Variants in PRKAG2 observed in about 807,000 individuals in gnomAD.
The protein encoded by PRKAG2 is protein kinase AMP-activated non-catalytic subunit gamma 2, also known as 5'-AMP-activated protein kinase subunit gamma-2.
PRKAG2 carries 26 observed loss-of-function variants against 69.6 expected under a neutral mutation model. The ratio of observed to expected loss-of-function variants is 0.37; its 90% confidence interval spans 0.27 to 0.52. PRKAG2 has a LOEUF of 0.52. Among genes scored for constraint, PRKAG2 ranks in the 20% least tolerant of loss-of-function variants. The pLI, the probability that PRKAG2 is intolerant of heterozygous loss-of-function variation, is 0.90. For missense variants in PRKAG2, 557 were observed against 740.0 expected, an observed-to-expected ratio of 0.75 and a Z score of 2.87; for synonymous variants, 293 against 285.0, an observed-to-expected ratio of 1.03 and a Z score of -0.28.
In PRKAG2 at chr7:151,560,285, G is replaced by A. The variant is rs375418709; in HGVS notation, c.1678+239C>T. 4.5e-5 allele frequency: 63 copies of A among 1,407,624 alleles called. No individual in the cohort carries two copies. The East Asian group carries it at 4.6e-4, about 10-fold the overall frequency. 87.2% of individuals were successfully genotyped at this position (1,407,624 alleles called of 1,614,324 possible). A position where few individuals can be genotyped will look rare whatever the true frequency, so the allele number is the denominator to read the frequency against. On this transcript the variant is annotated intron_variant, in intron 15 of 15. Transcript: ENST00000287878. ...GGCAATGGCTCCCAAGTCATTTAGG[G>A]GGCCACTGGACCTTGATAGGATGCT...
intron 3 of PRKAG2, among the ~76,000 whole-genome samples, chr7:151,776,867 C>T (rs1327394304): frequency 2.6e-5 from 4 of 152,182 alleles, no homozygotes; most frequent in South Asian, 2.1e-4. Flanking sequence ...GGCCCCTACC[C>T]AGCAATGAGG....
chr7:151,753,971 A>G (rs1586295299), intron 3 of PRKAG2, among the ~76,000 whole-genome samples: 1 of 152,150 alleles, frequency 6.6e-6, no homozygotes, highest in African/African-American at 2.4e-5. Flanking sequence ...GTGAACTGTG[A>G]TCGCACCACT....
At chr7:151,706,188 C>G (rs1392096179) in intron 3 of PRKAG2, among the ~76,000 whole-genome samples, 4 of 152,216 alleles carry the variant, frequency 2.6e-5, no homozygotes, top group Non-Finnish European at 5.9e-5. Flanking sequence ...TGGTGTCAGT[C>G]AGAGCTCCAG....
At chr7:151,859,275 G>A (rs2079858901) in intron 1 of PRKAG2, among the ~76,000 whole-genome samples, 1 of 152,246 alleles carries the variant, frequency 6.6e-6, no homozygotes, top group Non-Finnish European at 1.5e-5. Flanking sequence ...GCGGGGCGAG[G>A]TGAGGCCCGC....
Position 151,675,474 on chromosome 7 carries a change from C to T in PRKAG2, c.630G>A (p.Gln210=). 6.2e-7 allele frequency: 1 copy of T among 1,614,154 alleles called. No homozygotes were observed. The highest frequency in any genetic ancestry group is 8.5e-7 in the Non-Finnish European group (1 of 1,180,022). Residue 210 remains glutamine (Q), a synonymous_variant, in exon 4 of 16, where the codon CAG becomes CAA. Coordinates refer to ENST00000287878, the MANE Select transcript of PRKAG2 (RefSeq NM_016203.4). The part of the protein sequence containing the change: ...TGQRFCPSSF[Q]SPTRPPLASP... ...ATGCCAGTGGAGGCCTGGTCGGGCT[C>T]TGGAAGGAAGACGGGCAGAACCTCT...
intron 3 of PRKAG2, among the ~76,000 whole-genome samples, chr7:151,709,350 T>C (rs1015308951): frequency 6.6e-6 from 1 of 151,804 alleles, no homozygotes; most frequent in Non-Finnish European, 1.5e-5. Flanking sequence ...GACAATGATA[T>C]GCAATGTGTG....
At position 151,719,538 on chromosome 7, in the gene PRKAG2, C is replaced by T. The variant is rs987330411; in HGVS notation, c.467-43901G>A. On this transcript the variant is annotated intron_variant, in intron 3 of 15. Transcript: ENST00000287878. The surrounding 1 kb of genome is among the most constrained non-coding windows in gnomAD (Gnocchi z 5.2). ...GTCCAATCTTCCCTGCCACCGTGGC[C>T]GCAGGGGTCAGAAAGAAGATGCCCC... Among the ~76,000 whole-genome samples the T allele has an allele frequency of 6.6e-6, 1 of 152,094 alleles. No individual in the cohort carries two copies. The highest frequency in any genetic ancestry group is 1.5e-5 in the Non-Finnish European group (1 of 68,026).
chr7:151,567,546 A>G lies in PRKAG2; in HGVS notation c.1233+1170T>C, dbSNP rs991786134. 1.3e-5 allele frequency among the ~76,000 whole-genome samples: 2 copies of G among 152,048 alleles called. No homozygotes were observed. Among genetic ancestry groups the G allele is most frequent in the African/African-American group, 4.8e-5 (2 of 41,370 alleles). On this transcript the variant is annotated intron_variant, in intron 11 of 15. Transcript: ENST00000287878. This position sits in a 1 kb window ranked among gnomAD's most constrained non-coding sequence, Gnocchi z 4.2. ...CCCACCCCATGCTCCCTCTGTTCCT[A>G]TTAAACTTCAACTACTAAAGCGGCT...
At chr7:151,727,449 G>A (rs1440297826) in intron 3 of PRKAG2, among the ~76,000 whole-genome samples, 1 of 152,180 alleles carries the variant, frequency 6.6e-6, no homozygotes, top group Non-Finnish European at 1.5e-5. Context: ...GCAGGCTGGG[G>A]CAGCAGGAGA....
At chr7:151,664,029 C>G (rs1830686011) in intron 4 of PRKAG2, among the ~76,000 whole-genome samples, 1 of 152,180 alleles carries the variant, frequency 6.6e-6, no homozygotes. Flanking sequence ...TAGCTGTGTG[C>G]CAATAAAACT....
intron 3 of PRKAG2, among the ~76,000 whole-genome samples, chr7:151,737,010 A>C (rs2073470901): frequency 6.6e-6 from 1 of 152,236 alleles, no homozygotes; most frequent in Non-Finnish European, 1.5e-5. Flanking sequence ...TAAAACATTT[A>C]TAATTTGTAT....
chr7:151,770,673 G>T (rs537003520), intron 3 of PRKAG2, among the ~76,000 whole-genome samples: 1 of 152,188 alleles, frequency 6.6e-6, no homozygotes, highest in Non-Finnish European at 1.5e-5. Flanking sequence ...CTGAGGTCTC[G>T]CAGGTTTTCT....
intron 5 of PRKAG2, among the ~76,000 whole-genome samples, chr7:151,616,107 A>G (rs1820071928): frequency 6.6e-6 from 1 of 152,182 alleles, no homozygotes; most frequent in Non-Finnish European, 1.5e-5. Context: ...TCATTTTAAC[A>G]GTGCTGTGGG....
intron 3 of PRKAG2, among the ~76,000 whole-genome samples, chr7:151,682,936 G>A (rs982608245): frequency 5.3e-5 from 8 of 152,228 alleles, no homozygotes; most frequent in Non-Finnish European, 1.0e-4. Context: ...GCAGAACTGG[G>A]CCATGGCCAA....
chr7:151,693,710 T>G (rs1283155544), intron 3 of PRKAG2, among the ~76,000 whole-genome samples: 1 of 151,910 alleles, frequency 6.6e-6, no homozygotes, highest in African/African-American at 2.4e-5. Context: ...GTGAGGAGGG[T>G]GGTGCCCCAT....
At chr7:151,589,333 TC>T (rs1411189074) in intron 6 of PRKAG2, among the ~76,000 whole-genome samples, 1 of 151,890 alleles carries the variant, frequency 6.6e-6, no homozygotes, top group East Asian at 1.9e-4. Flanking sequence ...GGACCCCCTC[TC>T]CTCCACGACA....
intron 6 of PRKAG2, among the ~76,000 whole-genome samples, chr7:151,589,003 G>A (rs1470535976): frequency 6.6e-6 from 1 of 152,154 alleles, no homozygotes; most frequent in African/African-American, 2.4e-5. Flanking sequence ...ACTTGGCTTG[G>A]TGATGCTGGG....
intron 11 of PRKAG2, among the ~76,000 whole-genome samples, chr7:151,568,219 C>T (rs759835641): frequency 6.6e-6 from 1 of 152,320 alleles, no homozygotes; most frequent in African/African-American, 2.4e-5. Context: ...CTTATTTGGA[C>T]CAACATGGTA....
At chr7:151,588,145 GT>G (rs1334090782) in intron 6 of PRKAG2, among the ~76,000 whole-genome samples, 1 of 152,112 alleles carries the variant, frequency 6.6e-6, no homozygotes, top group African/African-American at 2.4e-5. Context: ...CCATTATGAA[GT>G]TTTATTTATT....
Sources: gnomAD v4.1 joint callset for allele counts (sites outside exome capture counted in the v4.1 genomes callset) on GRCh38, gnomAD v4.1.1 for gene constraint, Gnocchi (gnomAD v3.1) non-coding constraint, MANE v1.5 for transcripts, NCBI Gene and HGNC (gene_info 2026-07-23, HGNC 2026-07-21) for gene names.